ELP2: variants seen among roughly 807,000 people sequenced by gnomAD.
ELP2 encodes elongator complex protein 2.
Under a neutral mutation model 119.2 loss-of-function variants are expected in ELP2, and 90 were observed. The observed-to-expected ratio is 0.75, with a 90% CI of 0.64 to 0.90. The LOEUF (loss-of-function observed/expected upper bound fraction) is 0.90. Ranked by LOEUF, ELP2 falls within the 40% of genes least tolerant of loss-of-function variation. The probability of loss-of-function intolerance (pLI) is 0.00; values close to 1 mark genes in which losing one functional copy is unlikely to be tolerated. For synonymous variants in ELP2, 339 were observed against 331.0 expected, an observed-to-expected ratio of 1.02 and a Z score of -0.26; for missense variants, 921 against 967.8, an observed-to-expected ratio of 0.95 and a Z score of 0.64.
Position 36,146,236 on chromosome 18 carries a change from C to CT in ELP2, c.994-13dup. The CT allele has an allele frequency of 6.2e-7, 1 of 1,613,946 alleles. No individual in the cohort carries two copies. Among genetic ancestry groups the CT allele is most frequent in the South Asian group, 1.1e-5 (1 of 91,052 alleles). ...CTATTGATTAAGAATTGTTTTCTGT[C>CT]TGTTATTGTACAGGTTCGAGTAGGT... On this transcript the variant is annotated splice_polypyrimidine_tract_variant and intron_variant, in intron 10 of 21. Transcript: ENST00000358232.
intron 4 of ELP2, 103 bp from the exon 5 acceptor site, chr18:36,138,692 T>C (rs1050976331): frequency 1.3e-5 from 13 of 1,036,238 alleles, no homozygotes; most frequent in Non-Finnish European, 1.8e-5. Context: ...ACTTCTCTCA[T>C]CTCCCTTCTG....
At chr18:36,162,877 T>G (rs933010032) in intron 17 of ELP2, among the ~76,000 whole-genome samples, 1 of 152,186 alleles carries the variant, frequency 6.6e-6, no homozygotes, top group Non-Finnish European at 1.5e-5. Flanking sequence ...TTTTGCCCAT[T>G]TATTTATTAG....
chr18:36,156,262 GA>G (rs2090569143), intron 12 of ELP2, among the ~76,000 whole-genome samples: 2 of 152,296 alleles, frequency 1.3e-5, no homozygotes, highest in East Asian at 3.9e-4. Flanking sequence ...ATAGTCAACT[GA>G]AAAACAAGTC....
At chr18:36,153,130 G>A (rs768254035) in intron 11 of ELP2, among the ~76,000 whole-genome samples, 5 of 152,198 alleles carry the variant, frequency 3.3e-5, no homozygotes, top group African/African-American at 4.8e-5. Context: ...AGCCATTATA[G>A]ATAACAGTGA....
At chr18:36,154,805 A>G (rs201835164) in intron 11 of ELP2, 45 bp from the exon 12 acceptor site, 1 of 1,610,924 alleles carries the variant, frequency 6.2e-7, no homozygotes, top group African/African-American at 1.3e-5. Flanking sequence ...CTTTGGTGGT[A>G]GTCTTTGAGT....
rs2091220073 is a variant in ELP2 at position 36,176,244 on chromosome 18, T to C, written c.*1603T>C. On this transcript the variant is annotated 3_prime_UTR_variant, in exon 22 of 22. Coordinates refer to ENST00000358232, the MANE Select transcript of ELP2 (RefSeq NM_018255.4). ...CCATCCATATTTGGACAATGTACTT[T>C]AGACTATTGCATCTGTATACTCTTG... is the stretch of plus-strand genomic sequence containing the variant. 1 of 152,292 alleles carries C rather than the reference T, an allele frequency of 6.6e-6. No homozygotes were observed. Among genetic ancestry groups the C allele is most frequent in the South Asian group, 2.1e-4 (1 of 4,826 alleles). 9.4% of individuals were successfully genotyped at this position (152,292 alleles called of 1,614,324 possible).
intron 21 of ELP2, among the ~76,000 whole-genome samples, chr18:36,174,056 C>T (rs897023057): frequency 1.3e-5 from 2 of 152,120 alleles, no homozygotes; most frequent in African/African-American, 2.4e-5. Flanking sequence ...CAATTCCATC[C>T]ACCTCACAGG....
At position 36,133,431 on chromosome 18, in the gene ELP2, A is replaced by G. The variant is rs570252967; in HGVS notation, c.217+115A>G. 3.7e-5 allele frequency: 28 copies of G among 755,460 alleles called. No homozygotes were observed. In the African/African-American group the frequency reaches 4.0e-4, roughly 11 times the overall value. The allele number at this position is 755,460 out of a possible 1,614,324, so 46.8% of individuals were successfully genotyped here. A position where few individuals can be genotyped will look rare whatever the true frequency, so the allele number is the denominator to read the frequency against. On this transcript the variant is annotated intron_variant, in intron 2 of 21. Coordinates refer to ENST00000358232, the MANE Select transcript of ELP2 (RefSeq NM_018255.4). ...AGCATTACCTTATATGATGTTATGC[A>G]ATTGGAGAAACAAGAAAAATGGTAT... is the stretch of plus-strand genomic sequence containing the variant.
rs891218880 is a variant in ELP2 at position 36,142,717 on chromosome 18, GT to G, written c.656-101del. The stretch of plus-strand genomic sequence containing the variant: ...TTGGAGGGTAAGGAAACAAAGTATT[GT>G]TTTTTTTCTGGAAAATCTGGAAATA... On this transcript the variant is annotated intron_variant, in intron 7 of 21. Transcript: ENST00000358232. 4.7e-5 allele frequency: 35 copies of G among 744,772 alleles called. No individual in the cohort carries two copies. In the African/African-American group the frequency reaches 5.0e-4, roughly 11 times the overall value. The allele number at this position is 744,772 out of a possible 1,614,324, so 46.1% of individuals were successfully genotyped here.
At position 36,138,346 on chromosome 18, in the gene ELP2, C is replaced by T; in HGVS notation, c.365C>T (p.Ser122Leu). The change falls in exon 4 of 22, where the codon TCA becomes TTA. Residue 122 changes from serine to leucine, a missense_variant. Coordinates refer to ENST00000358232, the MANE Select transcript of ELP2 (RefSeq NM_018255.4). ...AVHAVYQRRT[S>L]DPALCTLIVS... Reference sequence around the variant, plus strand: ...CATGCTGTTTACCAGAGGAGGACATCAGATCCTGCATTATGTACACTGATC... The same window carrying T: ...CATGCTGTTTACCAGAGGAGGACATTAGATCCTGCATTATGTACACTGATC... The T allele has an allele frequency of 1.2e-6, 2 of 1,614,090 alleles. No individual in the cohort carries two copies. Among genetic ancestry groups the T allele is most frequent in the Non-Finnish European group, 1.7e-6 (2 of 1,179,960 alleles).
Position 36,174,702 on chromosome 18 carries a change from G to A in ELP2, c.*61G>A, listed in dbSNP as rs374714243. On this transcript the variant is annotated 3_prime_UTR_variant, in exon 22 of 22. Transcript: ENST00000358232. ...TCTTAAAATATTATCATGTAAACAGGTCATCTTTACCTTCATAACTGAATT... is the reference window on the plus strand; with the variant it reads ...TCTTAAAATATTATCATGTAAACAGATCATCTTTACCTTCATAACTGAATT... The A allele has an allele frequency of 5.9e-6, 9 of 1,538,144 alleles. No homozygotes were observed. The highest frequency in any genetic ancestry group is 4.1e-5 in the African/African-American group (3 of 73,182).
intron 13 of ELP2, among the ~76,000 whole-genome samples, chr18:36,158,349 TACTC>T (rs1453325308): frequency 3.9e-5 from 6 of 152,342 alleles, no homozygotes; most frequent in South Asian, 2.1e-4. Flanking sequence ...AGTTTTAAAA[TACTC>T]AGTTAGTTAG....
intron 14 of ELP2, 51 bp downstream of exon 14, chr18:36,158,955 C>CT: frequency 1.6e-6 from 2 of 1,229,798 alleles, no homozygotes; most frequent in Non-Finnish European, 2.4e-6. Context: ...ACTTAAACCC[C>CT]AGTCATACAC....
At chr18:36,130,177 G>C in intron 1 of ELP2, 106 bp downstream of exon 1, 2 of 1,495,680 alleles carry the variant, frequency 1.3e-6, no homozygotes, top group Non-Finnish European at 1.8e-6. Context: ...GAGGCGAGTC[G>C]GGTCGGCTCA....
At chr18:36,142,135 C>T (rs2090052095) in intron 6 of ELP2, 146 bp from the exon 7 acceptor site, 2 of 713,468 alleles carry the variant, frequency 2.8e-6, no homozygotes, top group Non-Finnish European at 5.1e-6. Flanking sequence ...TTTTTCATTC[C>T]CAAAGGAATG....
At chr18:36,170,285 A>G in intron 20 of ELP2, 89 bp downstream of exon 20, 1 of 1,483,866 alleles carries the variant, frequency 6.7e-7, no homozygotes, top group South Asian at 1.1e-5. Context: ...GAATTCTCCT[A>G]GCCTCTGAGT....
At chr18:36,169,849 G>C in intron 19 of ELP2, 5 of 609,382 alleles carry the variant, frequency 8.2e-6, no homozygotes, top group Non-Finnish European at 1.5e-5. Context: ...TTTGGACCAA[G>C]GTGAGCTCTC....
rs5823996 is a variant in ELP2, at chr18:36,131,930, C to CTTTTT, written c.139-1289_139-1285dup. On this transcript the variant is annotated intron_variant, in intron 1 of 21. Transcript: ENST00000358232. ...TCCTGTTAAATATTTGCTGGTCGGGCTTTTTTTTTTTTTTTTTTTTTTTGG... is the reference window on the plus strand; with the variant it reads ...TCCTGTTAAATATTTGCTGGTCGGGCTTTTTTTTTTTTTTTTTTTTTTTTTTTTGG... Among the ~76,000 whole-genome samples, 21 of 79,878 alleles carry CTTTTT rather than the reference C, an allele frequency of 2.6e-4. 2 individuals carry two copies. Among genetic ancestry groups the CTTTTT allele is most frequent in the African/African-American group, 2.6e-4 (5 of 19,358 alleles). The allele number at this position is 79,878 out of a possible 152,430, so 52.4% of individuals were successfully genotyped here.
At chr18:36,167,060 C>T (rs199920129) in intron 18 of ELP2, 41 bp from the exon 19 acceptor site, 1 of 1,556,586 alleles carries the variant, frequency 6.4e-7, no homozygotes, top group Non-Finnish European at 8.7e-7. Context: ...AAAAACCCAG[C>T]TTTCTCTGCT....
Sources: gnomAD v4.1 joint callset for allele counts (sites outside exome capture counted in the v4.1 genomes callset) on GRCh38, gnomAD v4.1.1 for gene constraint, MANE v1.5 for transcripts, NCBI Gene and HGNC (gene_info 2026-07-23, HGNC 2026-07-21) for gene names.